The following PYM1 variants were observed in gnomAD, a reference collection of about 807,000 sequenced individuals.
The protein encoded by PYM1 is PYM1 exon junction complex associated factor, also known as partner of Y14 and mago.
A neutral mutation model predicts 20.7 loss-of-function variants in PYM1; 7 were observed. The ratio of observed to expected loss-of-function variants is 0.34; its 90% confidence interval spans 0.19 to 0.64. The LOEUF is 0.64. PYM1 is among the 30% of genes least tolerant of loss of function. The probability of loss-of-function intolerance (pLI) is 0.74; values close to 1 mark genes in which losing one functional copy is unlikely to be tolerated. For missense variants in PYM1, 194 were observed against 250.0 expected (o/e 0.78, Z 1.51); for synonymous variants, 100 against 99.2 (o/e 1.01, Z -0.05).
At chr12:55,916,263 A>G (rs1473568464) in intron 1 of PYM1, among the ~76,000 whole-genome samples, 1 of 151,872 alleles carries the variant, frequency 6.6e-6, no homozygotes. Context: ...TGAAGTCAGG[A>G]GGCAGAGGTT....
At chr12:55,905,312 T>C (rs1882776395) in intron 1 of PYM1, among the ~76,000 whole-genome samples, 1 of 151,746 alleles carries the variant, frequency 6.6e-6, no homozygotes, top group South Asian at 2.1e-4. Flanking sequence ...CCTGGCCTAT[T>C]ATACAATATT....
Position 55,927,742 on chromosome 12 carries a change from G to T in PYM1, c.20C>A (p.Pro7His). 1 of 1,539,920 alleles carries T rather than the reference G, an allele frequency of 6.5e-7. No individual in the cohort carries two copies. The highest frequency in any genetic ancestry group is 2.0e-5 in the Admixed American group (1 of 50,990). The change falls in exon 1 of 3, where the codon CCT becomes CAT. Residue 7 changes from proline to histidine, a missense_variant. This residue lies in a region of PYM1 where 19 missense variants were observed against 17.8 expected (regional missense o/e 1.07). Transcript: ENST00000408946. MEAAGSPAATETGKYIA... is the reference protein window; with the variant it reads MEAAGSHAATETGKYIA... ...TCGGTCACCTGTCTCCGTAGCCGCA[G>T]GGCTGCCGGCAGCTTCCATGGCCGA...
At chr12:55,910,088 C>T (rs1882892998) in intron 1 of PYM1, among the ~76,000 whole-genome samples, 1 of 151,912 alleles carries the variant, frequency 6.6e-6, no homozygotes, top group African/African-American at 2.4e-5. Flanking sequence ...ACCTGTGCTA[C>T]CAGCTACTCA....
rs978850182 is a variant in PYM1 at position 55,901,538 on chromosome 12, C to T, written c.*334G>A. ...ACCAAGACTCCAAGACTTGGGCATA[C>T]TCCCTCTACCCTCAGCCTCAGTTCT... On this transcript the variant is annotated 3_prime_UTR_variant, in exon 3 of 3. Transcript: ENST00000408946. The T allele has an allele frequency of 2.1e-5, 5 of 235,510 alleles. No individual in the cohort carries two copies. The highest frequency in any genetic ancestry group is 1.7e-3 in the Middle Eastern group (1 of 596). The allele number at this position is 235,510 out of a possible 1,614,324, so 14.6% of individuals were successfully genotyped here.
At chr12:55,924,351 C>T (rs527425652) in intron 1 of PYM1, among the ~76,000 whole-genome samples, 1 of 152,046 alleles carries the variant, frequency 6.6e-6, no homozygotes, top group African/African-American at 2.4e-5. Context: ...TCTTCATATT[C>T]GAGAAATCTG....
At chr12:55,927,583 C>A in intron 1 of PYM1, 142 bp downstream of exon 1, 1 of 1,110,642 alleles carries the variant, frequency 9.0e-7, no homozygotes, top group Non-Finnish European at 1.3e-6. Context: ...ACAAGTGTTT[C>A]TAGGGACGGT....
Position 55,902,210 on chromosome 12 carries a change from G to T in PYM1, c.277C>A (p.Arg93=). ...TGCTGCTGCCGCCTCTTCTCCTTTC[G>T]CTTCAGGTTACGTTTGGCTGTCTTG... The part of the protein sequence containing the change: ...LSKTAKRNLK[R]KEKRRQQQEK... Residue 93 remains arginine, a synonymous_variant, in exon 3 of 3, where the codon CGA becomes AGA. Coordinates refer to ENST00000408946, the MANE Select transcript of PYM1 (RefSeq NM_032345.3). 1 of 1,613,956 alleles carries T rather than the reference G, an allele frequency of 6.2e-7. No homozygotes were observed.
intron 1 of PYM1, among the ~76,000 whole-genome samples, chr12:55,916,244 A>T (rs1230744783): frequency 6.6e-6 from 1 of 152,054 alleles, no homozygotes; most frequent in Non-Finnish European, 1.5e-5. Flanking sequence ...CTGAGACAGG[A>T]GAATTGCTTG....
chr12:55,905,848 TATTA>T (rs1403455542), intron 1 of PYM1, among the ~76,000 whole-genome samples: 1 of 122,920 alleles, frequency 8.1e-6, no homozygotes, highest in East Asian at 2.1e-4. Flanking sequence ...TAGATATATA[TATTA>T]TATATTAGAT....
chr12:55,920,650 GAAA>G (rs951776401), intron 1 of PYM1, among the ~76,000 whole-genome samples: 1 of 144,602 alleles, frequency 6.9e-6, no homozygotes. Context: ...AAAAAAAAAA[GAAA>G]AAAAAAGAAA....
intron 1 of PYM1, among the ~76,000 whole-genome samples, chr12:55,908,340 A>G (rs1459138827): frequency 6.6e-6 from 1 of 151,976 alleles, no homozygotes; most frequent in Admixed American, 6.6e-5. Flanking sequence ...GAGGCATAAG[A>G]ATTGCTTGAG....
intron 1 of PYM1, among the ~76,000 whole-genome samples, chr12:55,906,719 G>A (rs1882823527): frequency 6.6e-6 from 1 of 152,028 alleles, no homozygotes; most frequent in Admixed American, 6.6e-5. Context: ...TGCAGTCTCG[G>A]CTCACTGCAA....
intron 1 of PYM1, among the ~76,000 whole-genome samples, chr12:55,914,972 T>C (rs1882980803): frequency 6.6e-6 from 1 of 151,874 alleles, no homozygotes; most frequent in Non-Finnish European, 1.5e-5. Flanking sequence ...TCCCAGCACT[T>C]TGGGAGGCCG....
chr12:55,922,442 T>C, intron 1 of PYM1, among the ~76,000 whole-genome samples: 1 of 38,968 alleles, frequency 2.6e-5, no homozygotes, highest in Non-Finnish European at 5.2e-5. Context: ...AGACCATCTT[T>C]ACCAAAAAAA....
chr12:55,903,581 T>C (rs372602455), intron 1 of PYM1, 101 bp from the exon 2 acceptor site: 10 of 1,080,400 alleles, frequency 9.3e-6, no homozygotes, highest in East Asian at 7.5e-5. Context: ...TCAGCACCCA[T>C]TCATCCAAAT....
chr12:55,905,835 TATTA>T (rs1463143936), intron 1 of PYM1, among the ~76,000 whole-genome samples: 1 of 127,888 alleles, frequency 7.8e-6, no homozygotes, highest in African/African-American at 3.0e-5. Context: ...TTTCTATATA[TATTA>T]GATATATATA....
At chr12:55,905,861 ATATATATATATC>A (rs1489589495) in intron 1 of PYM1, among the ~76,000 whole-genome samples, 3 of 40,072 alleles carry the variant, frequency 7.5e-5, no homozygotes, top group Non-Finnish European at 1.7e-4. Context: ...TATATATTAG[ATATATATATATC>A]TATTAGATAT....
chr12:55,913,176 A>G (rs969407640), intron 1 of PYM1, among the ~76,000 whole-genome samples: 9 of 152,132 alleles, frequency 5.9e-5, no homozygotes, highest in Non-Finnish European at 8.8e-5. Flanking sequence ...CCAGGTTAAA[A>G]CTTGCTTTCT....
Position 55,901,879 on chromosome 12 carries a change from C to CCTAACTCCAAGTCCT in PYM1, c.593_607dup (p.Glu198_Leu202dup), listed in dbSNP as rs1316776160. ...CCCTATTCCCCAAAGGCCTCAGAGG[C>CCTAACTCCAAGTCCT]CTAACTCCAAGTCCTCTAACTCCTC... is the stretch of plus-strand genomic sequence containing the variant. On this transcript the variant is annotated inframe_insertion, in exon 3 of 3. Coordinates refer to ENST00000408946, the MANE Select transcript of PYM1 (RefSeq NM_032345.3). 10 of 1,606,730 alleles carry CCTAACTCCAAGTCCT rather than the reference C, an allele frequency of 6.2e-6. No homozygotes were observed. The highest frequency in any genetic ancestry group is 5.9e-6 in the Non-Finnish European group (7 of 1,177,046).
Sources: gnomAD v4.1 joint callset for allele counts (sites outside exome capture counted in the v4.1 genomes callset) on GRCh38, gnomAD v4.1.1 for gene constraint, gnomAD v4.1.1 regional missense constraint, MANE v1.5 for transcripts, NCBI Gene and HGNC (gene_info 2026-07-23, HGNC 2026-07-21) for gene names.